BACH2: variants seen among roughly 807,000 people sequenced by gnomAD.
BACH2 encodes transcription regulator protein BACH2.
A neutral mutation model predicts 61.8 loss-of-function variants in BACH2; 5 were observed. The ratio of observed to expected loss-of-function variants is 0.08; its 90% confidence interval spans 0.04 to 0.17. The LOEUF is 0.17. BACH2 is among the 10% of genes least tolerant of loss of function. The pLI is 1.00. For synonymous variants in BACH2, 446 were observed against 440.1 expected, an observed-to-expected ratio of 1.01 and a Z score of -0.17; for missense variants, 824 against 1,091.1, an observed-to-expected ratio of 0.76 and a Z score of 3.45.
chr6:90,142,965 T>C (rs1784510960), intron 4 of BACH2, among the ~76,000 whole-genome samples: 1 of 152,234 alleles, frequency 6.6e-6, no homozygotes, highest in African/African-American at 2.4e-5. Context: ...GAATTCCCTA[T>C]TGGCATGAAA....
intron 2 of BACH2, among the ~76,000 whole-genome samples, chr6:90,270,576 G>A (rs960466751): frequency 6.6e-6 from 1 of 152,136 alleles, no homozygotes; most frequent in African/African-American, 2.4e-5. Context: ...AGAAATAATC[G>A]ATGGCACAAA....
chr6:90,149,461 T>C (rs1204416463), intron 4 of BACH2, among the ~76,000 whole-genome samples: 1 of 152,208 alleles, frequency 6.6e-6, no homozygotes, highest in African/African-American at 2.4e-5. Context: ...TCTCCTCTGT[T>C]TGATCTCCTG....
At chr6:90,037,317 A>G (rs543683986) in intron 5 of BACH2, among the ~76,000 whole-genome samples, 1 of 152,218 alleles carries the variant, frequency 6.6e-6, no homozygotes. Flanking sequence ...AACCAATATC[A>G]TCGCTTTATG....
chr6:90,283,453 G>C (rs916345919), intron 1 of BACH2, among the ~76,000 whole-genome samples: 2 of 151,324 alleles, frequency 1.3e-5, no homozygotes, highest in African/African-American at 4.9e-5. Flanking sequence ...TTGGCTCACT[G>C]CAAGCTCTGT....
chr6:90,072,910 A>C (rs2127802072), intron 5 of BACH2, among the ~76,000 whole-genome samples: 1 of 152,346 alleles, frequency 6.6e-6, no homozygotes, highest in Middle Eastern at 3.4e-3. Context: ...CCGCTACTGA[A>C]AAAACCCCTG....
chr6:90,101,568 A>G (rs1006355048), intron 4 of BACH2, among the ~76,000 whole-genome samples: 5 of 152,194 alleles, frequency 3.3e-5, no homozygotes, highest in African/African-American at 1.2e-4. Context: ...TCAAGACTAC[A>G]CTATCTTATA....
chr6:90,018,521 T>C (rs535678350), intron 5 of BACH2, among the ~76,000 whole-genome samples: 1 of 152,330 alleles, frequency 6.6e-6, no homozygotes, highest in East Asian at 1.9e-4. Context: ...TCTGTTTCTA[T>C]AGTTGTTTTA....
At chr6:90,218,142 A>G (rs1191002492) in intron 3 of BACH2, 1 of 152,162 alleles carries the variant, frequency 6.6e-6, no homozygotes. Context: ...GGACAAAGCA[A>G]ACTTGTATGA....
chr6:90,167,801 T>G (rs1366466762), intron 4 of BACH2, among the ~76,000 whole-genome samples: 1 of 152,216 alleles, frequency 6.6e-6, no homozygotes, highest in Non-Finnish European at 1.5e-5. Flanking sequence ...TTCACAAATC[T>G]GAATTTAGAT....
At chr6:90,067,090 A>G (rs1488710201) in intron 5 of BACH2, among the ~76,000 whole-genome samples, 1 of 152,258 alleles carries the variant, frequency 6.6e-6, no homozygotes, top group Non-Finnish European at 1.5e-5. Flanking sequence ...GTGCTGTAAT[A>G]GGGCAGAGAA....
At chr6:90,179,111 ACAGT>A (rs904102499) in intron 4 of BACH2, among the ~76,000 whole-genome samples, 1 of 152,198 alleles carries the variant, frequency 6.6e-6, no homozygotes, top group Non-Finnish European at 1.5e-5. Flanking sequence ...TGGCATTTGA[ACAGT>A]CAGTCAGACT....
At chr6:90,202,306 G>A (rs888847212) in intron 4 of BACH2, among the ~76,000 whole-genome samples, 1 of 152,112 alleles carries the variant, frequency 6.6e-6, no homozygotes, top group African/African-American at 2.4e-5. Context: ...TCCAAATGAA[G>A]GTAGAAACTA....
chr6:89,988,320 C>T (rs561893327), intron 6 of BACH2, among the ~76,000 whole-genome samples: 144 of 152,284 alleles, frequency 9.5e-4, no homozygotes, highest in Non-Finnish European at 1.8e-3. Flanking sequence ...GCTTTTTCTA[C>T]TTAGGCCTAT....
At position 90,081,662 on chromosome 6, in the gene BACH2, A is replaced by C. The variant is rs563953109; in HGVS notation, c.-13+7299T>G. 8.5e-5 allele frequency among the ~76,000 whole-genome samples: 13 copies of C among 152,314 alleles called. No individual in the cohort carries two copies. The South Asian group carries it at 2.7e-3, about 32-fold the overall frequency. On this transcript the variant is annotated intron_variant, in intron 5 of 8. Coordinates refer to ENST00000257749, the MANE Select transcript of BACH2 (RefSeq NM_021813.4). ...TAAGAATCCTTTACACGGGATGATAAAACCTAGATATAACCAATGTCAAAG... is the reference window on the plus strand; with the variant it reads ...TAAGAATCCTTTACACGGGATGATACAACCTAGATATAACCAATGTCAAAG...
intron 4 of BACH2, among the ~76,000 whole-genome samples, chr6:90,125,633 G>A (rs1032906198): frequency 2.0e-5 from 3 of 152,178 alleles, no homozygotes; most frequent in African/African-American, 7.2e-5. Context: ...AATGGGGGAC[G>A]GGTCAGATGC....
chr6:90,136,591 T>C (rs1209881950), intron 4 of BACH2, among the ~76,000 whole-genome samples: 2 of 152,164 alleles, frequency 1.3e-5, no homozygotes, highest in Non-Finnish European at 2.9e-5. Context: ...AAAATGGCTA[T>C]AGTGAACTGT....
At chr6:90,169,460 A>T (rs911943107) in intron 4 of BACH2, among the ~76,000 whole-genome samples, 11 of 152,170 alleles carry the variant, frequency 7.2e-5, no homozygotes, top group African/African-American at 2.2e-4. Flanking sequence ...GGATCAATGA[A>T]GTCACTGGTG....
In BACH2 at chr6:90,096,895, A is replaced by G. The variant is rs1431694466; in HGVS notation, c.-161-7786T>C. ...TCCCACCACCATCCACCTCGTATAA[A>G]AATCAATCGTGCTTACTTCTCCTGT... On this transcript the variant is annotated intron_variant, in intron 4 of 8. Coordinates refer to ENST00000257749, the MANE Select transcript of BACH2 (RefSeq NM_021813.4). Among the ~76,000 whole-genome samples, 5 of 152,322 alleles carry G rather than the reference A, an allele frequency of 3.3e-5. No homozygotes were observed. In the South Asian group the frequency reaches 6.2e-4, roughly 19 times the overall value.
chr6:90,088,720 G>A (rs1782031899), intron 5 of BACH2, among the ~76,000 whole-genome samples: 1 of 152,028 alleles, frequency 6.6e-6, no homozygotes, highest in African/African-American at 2.4e-5. Context: ...CTGAGCTTGA[G>A]GCCCAGCAAG....
Sources: allele counts gnomAD v4.1 joint callset (sites outside exome capture counted in the v4.1 genomes callset), GRCh38; gene constraint gnomAD v4.1.1; transcripts MANE v1.5; gene names NCBI Gene and HGNC (gene_info 2026-07-23, HGNC 2026-07-21).